Variants in SEMA5A observed in about 807,000 individuals in gnomAD.
The protein encoded by SEMA5A is semaphorin-5A.
Under a neutral mutation model 135.5 loss-of-function variants are expected in SEMA5A, and 55 were observed. That is an observed-to-expected ratio of 0.41 (90% CI 0.33 to 0.51). The LOEUF is 0.51. Ranked by LOEUF, SEMA5A falls within the 20% of genes least tolerant of loss-of-function variation. The pLI, the probability that SEMA5A is intolerant of heterozygous loss-of-function variation, is 0.37. For missense variants in SEMA5A, 1,290 were observed against 1,419.9 expected, an observed-to-expected ratio of 0.91 and a Z score of 1.47; for synonymous variants, 580 against 546.5, an observed-to-expected ratio of 1.06 and a Z score of -0.85.
intron 5 of SEMA5A, among the ~76,000 whole-genome samples, chr5:9,242,470 G>A (rs748708602): frequency 6.6e-6 from 1 of 151,980 alleles, no homozygotes; most frequent in East Asian, 1.9e-4. Flanking sequence ...TTTCATTTCC[G>A]TCCATGTCAA....
chr5:9,230,751 A>G (rs1266844274), intron 6 of SEMA5A, among the ~76,000 whole-genome samples: 4 of 152,102 alleles, frequency 2.6e-5, no homozygotes, highest in African/African-American at 9.7e-5. Flanking sequence ...ATCAGGAGCT[A>G]ATGAAGGAGG....
chr5:9,258,628 C>T (rs1749212646), intron 5 of SEMA5A, among the ~76,000 whole-genome samples: 2 of 152,016 alleles, frequency 1.3e-5, no homozygotes, highest in Non-Finnish European at 1.5e-5. Flanking sequence ...TTCCCTATCC[C>T]TCATTTTTCC....
chr5:9,498,066 G>C (rs1041830919), intron 1 of SEMA5A, among the ~76,000 whole-genome samples: 1 of 152,144 alleles, frequency 6.6e-6, no homozygotes, highest in African/African-American at 2.4e-5. Context: ...TGTATACTAC[G>C]ATGTTTTGAT....
In SEMA5A at chr5:9,204,871, C is replaced by G. The variant is rs756152073; in HGVS notation, c.647-2631G>C. On this transcript the variant is annotated intron_variant, in intron 8 of 22. Transcript: ENST00000382496. The surrounding 1 kb of genome is among the most constrained non-coding windows in gnomAD (Gnocchi z 6.4). ...TGGCAGCATTAAATTCTCATAGGAG[C>G]AGGAACCCTACTGTGAACTGTGCAT... is the stretch of plus-strand genomic sequence containing the variant. 9.9e-5 allele frequency among the ~76,000 whole-genome samples: 15 copies of G among 152,156 alleles called. No homozygotes were observed. Among genetic ancestry groups the G allele is most frequent in the Non-Finnish European group, 1.8e-4 (12 of 68,026 alleles).
At chr5:9,056,011 C>T (rs1736870486) in intron 18 of SEMA5A, among the ~76,000 whole-genome samples, 1 of 152,058 alleles carries the variant, frequency 6.6e-6, no homozygotes, top group Admixed American at 6.6e-5. Context: ...TACACCAGGG[C>T]AAAAATAAGT....
At chr5:9,220,004 C>T (rs998422584) in intron 8 of SEMA5A, among the ~76,000 whole-genome samples, 1 of 152,110 alleles carries the variant, frequency 6.6e-6, no homozygotes, top group Non-Finnish European at 1.5e-5. Flanking sequence ...TACATATACA[C>T]CATGGACTAC....
chr5:9,337,292 G>A (rs1246257372), intron 4 of SEMA5A, among the ~76,000 whole-genome samples: 5 of 152,202 alleles, frequency 3.3e-5, no homozygotes, highest in Non-Finnish European at 2.9e-5. Context: ...AATATAGTGG[G>A]AAGTCAGGAA....
chr5:9,541,713 G>A (rs1032660400), intron 1 of SEMA5A, among the ~76,000 whole-genome samples: 4 of 152,168 alleles, frequency 2.6e-5, no homozygotes, highest in African/African-American at 7.2e-5. Flanking sequence ...GAAAGAAGAT[G>A]ACAACAGCAA....
intron 22 of SEMA5A, 96 bp from the exon 23 acceptor site, chr5:9,043,112 T>G: frequency 9.1e-7 from 1 of 1,102,014 alleles, no homozygotes; most frequent in Non-Finnish European, 1.3e-6. Flanking sequence ...ATTTGAGCTC[T>G]CTGCTAAGAC....
chr5:9,212,575 G>T (rs1289753872), intron 8 of SEMA5A, among the ~76,000 whole-genome samples: 1 of 152,150 alleles, frequency 6.6e-6, no homozygotes, highest in Non-Finnish European at 1.5e-5. Context: ...AGGGCTCAAA[G>T]GGAAGATGTT....
At chr5:9,197,423 T>C in intron 9 of SEMA5A, 120 bp from the exon 10 acceptor site, 1 of 1,194,272 alleles carries the variant, frequency 8.4e-7, no homozygotes, top group Non-Finnish European at 1.2e-6. Flanking sequence ...GACCACAGTC[T>C]CTTAAAGATC....
At chr5:9,500,252 C>T (rs1012436882) in intron 1 of SEMA5A, among the ~76,000 whole-genome samples, 6 of 152,188 alleles carry the variant, frequency 3.9e-5, no homozygotes, top group South Asian at 2.1e-4. Context: ...TTAAATGCAG[C>T]GCATGGCTTG....
At chr5:9,054,403 CACG>C in intron 18 of SEMA5A, 146 bp from the exon 19 acceptor site, 1 of 969,990 alleles carries the variant, frequency 1.0e-6, no homozygotes, top group Non-Finnish European at 1.5e-6. Flanking sequence ...TGCATAGGCA[CACG>C]TAGCAACAAG....
At chr5:9,512,201 T>C (rs1318847062) in intron 1 of SEMA5A, 1 of 152,218 alleles carries the variant, frequency 6.6e-6, no homozygotes, top group African/African-American at 2.4e-5. Context: ...CTGATTATTC[T>C]CAACCTCATC....
chr5:9,515,585 G>T (rs141587147), intron 1 of SEMA5A, among the ~76,000 whole-genome samples: 171 of 152,232 alleles, frequency 1.1e-3, no homozygotes, highest in African/African-American at 3.9e-3. Context: ...ACAAACAGAA[G>T]AGCTTGCAGC....
intron 12 of SEMA5A, among the ~76,000 whole-genome samples, chr5:9,143,739 G>T (rs1401081776): frequency 4.6e-5 from 7 of 152,200 alleles, no homozygotes; most frequent in Admixed American, 3.3e-4. Flanking sequence ...TGCCAGCTTT[G>T]GTTTCTGACC....
chr5:9,085,428 C>T (rs913783096), intron 16 of SEMA5A, among the ~76,000 whole-genome samples: 25 of 152,072 alleles, frequency 1.6e-4, no homozygotes, highest in African/African-American at 3.6e-4. Context: ...CCTAAGGACT[C>T]GGTGTCCTGC....
intron 5 of SEMA5A, among the ~76,000 whole-genome samples, chr5:9,266,180 G>A (rs1749675686): frequency 6.6e-6 from 1 of 152,182 alleles, no homozygotes; most frequent in Non-Finnish European, 1.5e-5. Context: ...AATACAGGTT[G>A]ATGTTTCCAA....
At chr5:9,176,833 G>A (rs2150317877) in intron 11 of SEMA5A, among the ~76,000 whole-genome samples, 1 of 152,330 alleles carries the variant, frequency 6.6e-6, no homozygotes, top group East Asian at 1.9e-4. Flanking sequence ...GGATAATGGT[G>A]ATCTGGTATT....
Sources: allele counts gnomAD v4.1 joint callset (sites outside exome capture counted in the v4.1 genomes callset), GRCh38; gene constraint gnomAD v4.1.1; non-coding constraint Gnocchi (gnomAD v3.1); transcripts MANE v1.5; gene names NCBI Gene and HGNC (gene_info 2026-07-23, HGNC 2026-07-21).